SUN5: variants seen among roughly 807,000 people sequenced by gnomAD.
The protein encoded by SUN5 is Sad1 and UNC84 domain containing 5, also known as SUN domain-containing protein 5.
SUN5 carries 44 observed loss-of-function variants against 53.7 expected under a neutral mutation model. The observed-to-expected ratio is 0.82, with a 90% CI of 0.64 to 1.05. The LOEUF (loss-of-function observed/expected upper bound fraction) is 1.05, where lower values mean the gene tolerates loss of function less well. SUN5 is among the 50% of genes least tolerant of loss of function. The probability of loss-of-function intolerance (pLI) is 0.00; values close to 1 mark genes in which losing one functional copy is unlikely to be tolerated. For missense variants in SUN5, 433 were observed against 483.8 expected, an observed-to-expected ratio of 0.90 and a Z score of 0.98; for synonymous variants, 166 against 179.8, an observed-to-expected ratio of 0.92 and a Z score of 0.62.
rs10681483 is a variant in SUN5, at chr20:32,988,576, T to TTTTATTTATTTA, written c.614-813_614-802dup. Among the ~76,000 whole-genome samples the TTTTATTTATTTA allele has an allele frequency of 8.6e-4, 130 of 150,660 alleles. 1 individual carries two copies. The highest frequency in any genetic ancestry group is 3.2e-3 in the South Asian group (15 of 4,760). ...ATTCTTCCGGAAGCACTGATTATTA[T>TTTTATTTATTTA]TTTATTTATTTATTTATTTATTTAT... On this transcript the variant is annotated intron_variant, in intron 9 of 12. Coordinates refer to ENST00000356173, the MANE Select transcript of SUN5 (RefSeq NM_080675.4).
chr20:33,002,984 G>A lies in SUN5; in HGVS notation c.78-65C>T. 6 of 1,564,454 alleles carry A rather than the reference G, an allele frequency of 3.8e-6. No homozygotes were observed. The South Asian group carries it at 6.8e-5, about 18-fold the overall frequency. ...GAGGAACATAGTGTCCTTGGAATGTGCATACCACGTTCCAGATTGGGAAAC... is the reference window on the plus strand; with the variant it reads ...GAGGAACATAGTGTCCTTGGAATGTACATACCACGTTCCAGATTGGGAAAC... On this transcript the variant is annotated intron_variant, in intron 1 of 12. Transcript: ENST00000356173.
chr20:33,001,532 T>TTCTTTCTTTCTTTCTTTCTTTCTC (rs1350889497), intron 3 of SUN5, among the ~76,000 whole-genome samples: 1 of 134,618 alleles, frequency 7.4e-6, no homozygotes, highest in Non-Finnish European at 1.5e-5. Flanking sequence ...CTTTCTTTCT[T>TTCTTTCTTTCTTTCTTTCTTTCTC]TCTTTCTTTC....
In SUN5 at chr20:32,983,966, C is replaced by A; in HGVS notation, c.985-17G>T. 1.3e-6 allele frequency: 2 copies of A among 1,542,320 alleles called. No individual in the cohort carries two copies. Among genetic ancestry groups the A allele is most frequent in the South Asian group, 1.3e-5 (1 of 78,234 alleles). The stretch of plus-strand genomic sequence containing the variant: ...CGGCTGGTTCTGGAAGAGAATCAGT[C>A]ACAGAGGCAGCTCACCCATAGACTC... On this transcript the variant is annotated splice_polypyrimidine_tract_variant and intron_variant, in intron 12 of 12. Transcript: ENST00000356173.
intron 1 of SUN5, 131 bp from the exon 2 acceptor site, chr20:33,003,050 T>A: frequency 9.6e-7 from 1 of 1,037,196 alleles, no homozygotes; most frequent in East Asian, 2.5e-5. Flanking sequence ...CAGCCTGTGA[T>A]TCAGGGACAG....
intron 8 of SUN5, among the ~76,000 whole-genome samples, chr20:32,994,986 A>C (rs1477673078): frequency 6.6e-6 from 1 of 152,224 alleles, no homozygotes; most frequent in Non-Finnish European, 1.5e-5. Flanking sequence ...TAAGCACATA[A>C]CAGAAAAAGA....
In SUN5 at chr20:32,995,722, T is replaced by G; in HGVS notation, c.431A>C (p.Tyr144Ser). Residue 144 changes from tyrosine to serine, a missense_variant, in exon 8 of 13, where the codon TAC (tyrosine) becomes TCC (serine). By Grantham distance (144) the Tyr-to-Ser change is moderately radical. Coordinates refer to ENST00000356173, the MANE Select transcript of SUN5 (RefSeq NM_080675.4). Reference sequence around the variant, plus strand: ...ACTGTGATGTCGCACCTTCTCCTGGTACAACCTTATCAGGAAGGAGTGATA... The same window carrying G: ...ACTGTGATGTCGCACCTTCTCCTGGGACAACCTTATCAGGAAGGAGTGATA... ...INGPLQSLRL[Y>S]QEKVRHHSGE... is the part of the protein sequence containing the mutation. The G allele has an allele frequency of 6.2e-7, 1 of 1,614,028 alleles. No individual in the cohort carries two copies. Among genetic ancestry groups the G allele is most frequent in the Non-Finnish European group, 8.5e-7 (1 of 1,179,918 alleles).
chr20:32,984,272 T>C (rs1158171219), intron 12 of SUN5, among the ~76,000 whole-genome samples: 1 of 152,056 alleles, frequency 6.6e-6, no homozygotes, highest in Admixed American at 6.5e-5. Context: ...AATGGTAATA[T>C]CTGCTTCCCA....
At chr20:32,995,151 C>T (rs1989811529) in intron 8 of SUN5, among the ~76,000 whole-genome samples, 1 of 151,956 alleles carries the variant, frequency 6.6e-6, no homozygotes, top group African/African-American at 2.4e-5. Context: ...TAAAAGTTTC[C>T]CAAAACTATT....
chr20:33,002,746 G>A, intron 2 of SUN5, 85 bp from the exon 3 acceptor site: 2 of 1,599,538 alleles, frequency 1.3e-6, no homozygotes, highest in South Asian at 1.1e-5. Context: ...AGAGCTTGGT[G>A]CGAACATCCC....
chr20:33,003,926 GA>G (rs11478200), intron 1 of SUN5, among the ~76,000 whole-genome samples: 33,990 of 152,102 alleles, frequency 0.22, 4,005 homozygotes, highest in Admixed American at 0.27. Flanking sequence ...TAAAGATGGC[GA>G]AATACTTGTT....
Position 32,987,662 on chromosome 20 carries a change from C to T in SUN5, c.727G>A (p.Glu243Lys), listed in dbSNP as rs758521577. 5.0e-6 allele frequency: 8 copies of T among 1,605,026 alleles called. No individual in the cohort carries two copies. The South Asian group carries it at 6.7e-5, about 14-fold the overall frequency. The change falls in exon 10 of 13, where the codon GAG becomes AAG. Residue 243 changes from glutamate to lysine, a missense_variant and splice_region_variant. Glu to Lys is a moderately conservative substitution (Grantham distance 56). Coordinates refer to ENST00000356173, the MANE Select transcript of SUN5 (RefSeq NM_080675.4). ...CCATCTCCCGCCATCCCCCCTGCCT[C>T]AAGGATCACGTCTGGGGGCTGTGCG... ...NYAQPPDVIL[E>K]PNVTPGNCWA...
chr20:32,997,489 G>T (rs1989883809), intron 6 of SUN5, 149 bp downstream of exon 6: 9 of 734,182 alleles, frequency 1.2e-5, no homozygotes, highest in Middle Eastern at 3.7e-4. Context: ...TAGGTGGATG[G>T]TACGATGAAG....
intron 8 of SUN5, among the ~76,000 whole-genome samples, chr20:32,993,087 GA>G (rs11481491): frequency 1.8e-4 from 27 of 152,132 alleles, no homozygotes; most frequent in African/African-American, 4.3e-4. Flanking sequence ...CCAATGATAT[GA>G]AAAAAATTAT....
chr20:32,986,426 A>G (rs1324778118), intron 10 of SUN5, among the ~76,000 whole-genome samples: 1 of 152,102 alleles, frequency 6.6e-6, no homozygotes, highest in Non-Finnish European at 1.5e-5. Context: ...GCCCAGGGAG[A>G]GAAAGAGGTT....
chr20:32,991,469 C>T (rs986009807), intron 8 of SUN5, among the ~76,000 whole-genome samples: 3 of 152,194 alleles, frequency 2.0e-5, no homozygotes, highest in East Asian at 3.8e-4. Context: ...AGTCACACAG[C>T]TTATAGGTGG....
At chr20:32,991,609 C>T (rs1449858342) in intron 8 of SUN5, among the ~76,000 whole-genome samples, 2 of 152,216 alleles carry the variant, frequency 1.3e-5, no homozygotes, top group Non-Finnish European at 2.9e-5. Flanking sequence ...CCAAGAGCCT[C>T]ACTTGACAGT....
At position 32,987,801 on chromosome 20, in the gene SUN5, C is replaced by T. The variant is rs368880440; in HGVS notation, c.614-26G>A. On this transcript the variant is annotated intron_variant, in intron 9 of 12. Coordinates refer to ENST00000356173, the MANE Select transcript of SUN5 (RefSeq NM_080675.4). ...CTGTATAGGAGAAGGGGGTCTCAGC[C>T]AAGCAGCCGGGCTTCTGCCTGGTGG... The T allele has an allele frequency of 1.9e-6, 3 of 1,591,334 alleles. No homozygotes were observed. The African/African-American group carries it at 4.0e-5, about 21-fold the overall frequency.
At chr20:32,995,903 C>T (rs1989834666) in intron 7 of SUN5, among the ~76,000 whole-genome samples, 176 bp from the exon 8 acceptor site, 1 of 152,162 alleles carries the variant, frequency 6.6e-6, no homozygotes, top group Non-Finnish European at 1.5e-5. Flanking sequence ...TACTCATTCT[C>T]TTCTTTCTGC....
intron 1 of SUN5, among the ~76,000 whole-genome samples, chr20:33,003,386 A>G (rs2146343015): frequency 6.6e-6 from 1 of 152,186 alleles, no homozygotes; most frequent in South Asian, 2.1e-4. Flanking sequence ...ACAGAAAACG[A>G]TGCTTATTCT....
Sources: gnomAD v4.1 joint callset for allele counts (sites outside exome capture counted in the v4.1 genomes callset) on GRCh38, gnomAD v4.1.1 for gene constraint, MANE v1.5 for transcripts, NCBI Gene and HGNC (gene_info 2026-07-23, HGNC 2026-07-21) for gene names.